SDK1: variants seen among roughly 807,000 people sequenced by gnomAD.
The protein encoded by SDK1 is sidekick cell adhesion molecule 1.
SDK1 carries 157 observed loss-of-function variants against 245.5 expected under a neutral mutation model. The observed-to-expected ratio is 0.64, with a 90% CI of 0.56 to 0.73. SDK1 has a LOEUF of 0.73. SDK1 is among the 30% of genes least tolerant of loss of function. The pLI is 0.00. For missense variants in SDK1, 3,583 were observed against 3,002.3 expected (o/e 1.19, Z -4.52); for synonymous variants, 1,647 against 1,278.5 (o/e 1.29, Z -6.15).
rs1215227337 is a variant in SDK1, at chr7:4,266,281, C to T, written c.*897C>T. ...TAAAATCTTTTTATCTTTTTTTAAACTATGTCACATGAAATGAATGCGTCT... is the reference window on the plus strand; with the variant it reads ...TAAAATCTTTTTATCTTTTTTTAAATTATGTCACATGAAATGAATGCGTCT... On this transcript the variant is annotated 3_prime_UTR_variant, in exon 45 of 45. Coordinates refer to ENST00000404826, the MANE Select transcript of SDK1 (RefSeq NM_152744.4). The T allele has an allele frequency of 1.0e-6, 1 of 985,284 alleles. No individual in the cohort carries two copies. Among genetic ancestry groups the T allele is most frequent in the Non-Finnish European group, 1.2e-6 (1 of 829,892 alleles). 61.0% of individuals were successfully genotyped at this position (985,284 alleles called of 1,614,324 possible). A position where few individuals can be genotyped will look rare whatever the true frequency, so the allele number is the denominator to read the frequency against.
intron 4 of SDK1, among the ~76,000 whole-genome samples, chr7:3,813,899 AT>A (rs1200936935): frequency 7.6e-6 from 1 of 130,746 alleles, no homozygotes; most frequent in Non-Finnish European, 1.6e-5. Flanking sequence ...TTTTGGCTGC[AT>A]AAATGTCTTC....
At chr7:3,581,412 A>G (rs955316984) in intron 1 of SDK1, among the ~76,000 whole-genome samples, 2 of 152,224 alleles carry the variant, frequency 1.3e-5, no homozygotes, top group African/African-American at 4.8e-5. Context: ...AATATCACTG[A>G]TCACTAGGGA....
chr7:4,159,622 G>T (rs1382551505), intron 31 of SDK1, among the ~76,000 whole-genome samples: 3 of 152,236 alleles, frequency 2.0e-5, no homozygotes, highest in Non-Finnish European at 4.4e-5. Context: ...AGCCGTCCCG[G>T]GTATATGGGG....
chr7:3,358,801 G>C (rs1428293141), intron 1 of SDK1, among the ~76,000 whole-genome samples: 1 of 152,158 alleles, frequency 6.6e-6, no homozygotes. Context: ...GAGGCAAAAT[G>C]GGGTGGGTTT....
chr7:3,970,812 A>G (rs1480846987), intron 11 of SDK1, among the ~76,000 whole-genome samples: 2 of 152,212 alleles, frequency 1.3e-5, no homozygotes, highest in African/African-American at 4.8e-5. Context: ...CACCATTAGC[A>G]GAGGTCAGGC....
intron 19 of SDK1, among the ~76,000 whole-genome samples, chr7:4,059,299 GTACGCTTAGATAAAA>G (rs1253663389): frequency 2.0e-5 from 3 of 152,138 alleles, no homozygotes; most frequent in Non-Finnish European, 2.9e-5. Context: ...ACAGGAGTAG[GTACGCTTAGATAAAA>G]TACTTTAAGT....
Position 4,132,232 on chromosome 7 carries a change from T to G in SDK1, c.4130-93T>G, listed in dbSNP as rs546011988. 388 of 982,130 alleles carry G rather than the reference T, an allele frequency of 4.0e-4. 2 individuals carry two copies. In the East Asian group the frequency reaches 0.01, roughly 26 times the overall value. 60.8% of individuals were successfully genotyped at this position (982,130 alleles called of 1,614,324 possible). ...CGACAGTGTAGCCTGTGGTAGTTAC[T>G]GCAGCCAGCTGACCCTCGGAATCCT... On this transcript the variant is annotated intron_variant, in intron 27 of 44. Transcript: ENST00000404826.
intron 1 of SDK1, among the ~76,000 whole-genome samples, chr7:3,546,693 C>G (rs897335802): frequency 6.6e-6 from 1 of 152,242 alleles, no homozygotes; most frequent in Non-Finnish European, 1.5e-5. Flanking sequence ...TAAAGACCAT[C>G]ATTTCACAAG....
chr7:3,491,532 CT>C, intron 1 of SDK1, among the ~76,000 whole-genome samples: 1 of 152,182 alleles, frequency 6.6e-6, no homozygotes. Context: ...TCTTTTTCCC[CT>C]ATTCATAAAC....
At chr7:3,909,610 CAT>C (rs561886378) in intron 5 of SDK1, among the ~76,000 whole-genome samples, 159 of 152,358 alleles carry the variant, frequency 1.0e-3, no homozygotes, top group African/African-American at 3.7e-3. Context: ...GCACTCATCA[CAT>C]GTGTGTCCGT....
chr7:3,589,625 C>T (rs948034207), intron 1 of SDK1, among the ~76,000 whole-genome samples: 26 of 152,158 alleles, frequency 1.7e-4, no homozygotes, highest in Non-Finnish European at 2.9e-5. Context: ...AGGAGGAGTA[C>T]AGACACGTCT....
At chr7:4,136,053 C>T (rs1376935419) in intron 28 of SDK1, among the ~76,000 whole-genome samples, 1 of 152,172 alleles carries the variant, frequency 6.6e-6, no homozygotes, top group African/African-American at 2.4e-5. Context: ...GATTTGTGGT[C>T]ACTGAAAGCC....
In SDK1 at chr7:3,821,690, G is replaced by T. The variant is rs977733479; in HGVS notation, c.847+107G>T. 3 of 1,243,164 alleles carry T rather than the reference G, an allele frequency of 2.4e-6. No individual in the cohort carries two copies. The East Asian group carries it at 7.3e-5, about 30-fold the overall frequency. 77.0% of individuals were successfully genotyped at this position (1,243,164 alleles called of 1,614,324 possible). On this transcript the variant is annotated intron_variant, in intron 5 of 44. Transcript: ENST00000404826. Reference sequence around the variant, plus strand: ...TTGCAATAAATTTTCTCTCTCTAGTGTAGTAGTTACGGTTTAATATTGATC... The same window carrying T: ...TTGCAATAAATTTTCTCTCTCTAGTTTAGTAGTTACGGTTTAATATTGATC...
intron 32 of SDK1, among the ~76,000 whole-genome samples, chr7:4,170,429 A>G (rs1171944778): frequency 6.6e-6 from 1 of 152,100 alleles, no homozygotes; most frequent in Non-Finnish European, 1.5e-5. Context: ...CCTGGGTGAC[A>G]GGGTGAGATC....
At chr7:3,879,627 G>C (rs1781158403) in intron 5 of SDK1, among the ~76,000 whole-genome samples, 1 of 152,162 alleles carries the variant, frequency 6.6e-6, no homozygotes, top group Non-Finnish European at 1.5e-5. Flanking sequence ...TGCGTGTCCA[G>C]GATGGACACC....
chr7:4,213,077 G>A (rs1368192067), intron 38 of SDK1, among the ~76,000 whole-genome samples: 6 of 152,060 alleles, frequency 3.9e-5, no homozygotes, highest in African/African-American at 4.8e-5. Flanking sequence ...TCAAGAGATC[G>A]AGACCATCCT....
chr7:4,238,101 T>C (rs1786293593), intron 42 of SDK1, among the ~76,000 whole-genome samples: 1 of 151,860 alleles, frequency 6.6e-6, no homozygotes, highest in Non-Finnish European at 1.5e-5. Flanking sequence ...TTTTTTTTTT[T>C]TACAGTCTCA....
At chr7:3,899,889 C>G (rs1781726449) in intron 5 of SDK1, among the ~76,000 whole-genome samples, 1 of 152,248 alleles carries the variant, frequency 6.6e-6, no homozygotes, top group Non-Finnish European at 1.5e-5. Context: ...GCACACAGCT[C>G]TGCTGCAGGC....
In SDK1 at chr7:3,682,190, C is replaced by T. The variant is rs567209872; in HGVS notation, c.713+40085C>T. ...TACCACTCTGTGAGATGATAGGCAACCCAGGTATTATTATACCCATTTCAC... is the reference window on the plus strand; with the variant it reads ...TACCACTCTGTGAGATGATAGGCAATCCAGGTATTATTATACCCATTTCAC... On this transcript the variant is annotated intron_variant, in intron 4 of 44. Transcript: ENST00000404826. 3.0e-4 allele frequency among the ~76,000 whole-genome samples: 45 copies of T among 152,242 alleles called. 1 individual carries two copies. The South Asian group carries it at 8.9e-3, about 30-fold the overall frequency.
Sources: gnomAD v4.1 joint callset for allele counts (sites outside exome capture counted in the v4.1 genomes callset) on GRCh38, gnomAD v4.1.1 for gene constraint, MANE v1.5 for transcripts, NCBI Gene and HGNC (gene_info 2026-07-23, HGNC 2026-07-21) for gene names.